TENM3: variants seen among roughly 807,000 people sequenced by gnomAD.
TENM3 encodes teneurin-3.
TENM3 carries 63 observed loss-of-function variants against 255.1 expected under a neutral mutation model. That is an observed-to-expected ratio of 0.25 (90% CI 0.20 to 0.30). The LOEUF is 0.30. Ranked by LOEUF, TENM3 falls within the 10% of genes least tolerant of loss-of-function variation. The pLI, the probability that TENM3 is intolerant of heterozygous loss-of-function variation, is 1.00. For synonymous variants in TENM3, 1,306 were observed against 1,322.3 expected (o/e 0.99, Z 0.27); for missense variants, 2,929 against 3,461.1 (o/e 0.85, Z 3.86).
chr4:181,963,437 G>A, the TENM3 span, among the ~76,000 whole-genome samples: 63,177 of 152,024 alleles, frequency 0.42, 13,584 homozygotes, highest in African/African-American at 0.51. Context: ...TTCAAAGCTG[G>A]ATTTGCCCAA....
At chr4:182,070,482 C>T in the TENM3 span, among the ~76,000 whole-genome samples, 4 of 151,932 alleles carry the variant, frequency 2.6e-5, no homozygotes, top group African/African-American at 7.3e-5. Context: ...TTGGGTGTAG[C>T]GGCACACGCC....
chr4:182,529,062 C>T (rs941361697), intron 3 of TENM3, among the ~76,000 whole-genome samples: 12 of 152,218 alleles, frequency 7.9e-5, no homozygotes, highest in Admixed American at 5.2e-4. Flanking sequence ...TCTATGCTTG[C>T]GACAAACTCA....
At position 182,324,222 on chromosome 4, in the gene TENM3, C is replaced by G; in HGVS notation, c.202C>G (p.His68Asp). 6.2e-7 allele frequency: 1 copy of G among 1,613,886 alleles called. No individual in the cohort carries two copies. The highest frequency in any genetic ancestry group is 8.5e-7 in the Non-Finnish European group (1 of 1,179,802). The change falls in exon 2 of 28, where the codon CAC becomes GAC. Residue 68 changes from histidine to aspartate, a missense_variant. His to Asp is a moderately conservative substitution (Grantham distance 81). Around this residue, in one of 6 missense-constraint regions of TENM3, gnomAD observed 283 missense variants for 256.9 expected, o/e 1.10. Transcript: ENST00000511685. The part of the protein sequence containing the change: ...LYGNRVKDLV[H>D]READEFTRQG... ...CGGCAACAGAGTGAAGGATTTGGTT[C>G]ACAGAGAAGCAGACGAGTTCACTAG...
chr4:182,487,929 C>T (rs1734916175), intron 3 of TENM3, among the ~76,000 whole-genome samples: 1 of 151,962 alleles, frequency 6.6e-6, no homozygotes, highest in African/African-American at 2.4e-5. Flanking sequence ...AACAGGAATT[C>T]TAGAATATGG....
the TENM3 span, among the ~76,000 whole-genome samples, chr4:181,731,695 G>A: frequency 1.3e-3 from 191 of 152,228 alleles, no homozygotes; most frequent in African/African-American, 4.4e-3. Context: ...AATTAGTATG[G>A]CTTTTGTCAC....
intron 3 of TENM3, among the ~76,000 whole-genome samples, chr4:182,515,060 C>T (rs1046714518): frequency 6.6e-6 from 1 of 152,084 alleles, no homozygotes; most frequent in Non-Finnish European, 1.5e-5. Flanking sequence ...AATTTTTTAT[C>T]CAGACTAAGA....
chr4:182,530,285 G>A (rs765600671), intron 3 of TENM3, among the ~76,000 whole-genome samples: 1 of 152,158 alleles, frequency 6.6e-6, no homozygotes, highest in Non-Finnish European at 1.5e-5. Flanking sequence ...TCAACAGGCT[G>A]CCTCTCCAAA....
chr4:181,973,567 A>G, the TENM3 span, among the ~76,000 whole-genome samples: 2 of 152,086 alleles, frequency 1.3e-5, no homozygotes, highest in African/African-American at 4.8e-5. Context: ...CCTGGGAAAC[A>G]TAGTGAGGCC....
chr4:181,627,886 G>T, the TENM3 span, among the ~76,000 whole-genome samples: 3 of 152,134 alleles, frequency 2.0e-5, no homozygotes, highest in Non-Finnish European at 4.4e-5. Flanking sequence ...GGTATTTCTA[G>T]TTCTAGATCC....
At chr4:181,947,112 T>C in the TENM3 span, among the ~76,000 whole-genome samples, 2 of 152,156 alleles carry the variant, frequency 1.3e-5, no homozygotes. Flanking sequence ...TTTACCAGAG[T>C]TGTTTACTCA....
chr4:182,791,682 C>A (rs1766113976), intron 25 of TENM3, among the ~76,000 whole-genome samples: 1 of 152,170 alleles, frequency 6.6e-6, no homozygotes, highest in African/African-American at 2.4e-5. Context: ...GCATTTATAG[C>A]TCTCATTCAC....
the TENM3 span, among the ~76,000 whole-genome samples, chr4:181,922,388 A>G: frequency 2.2e-4 from 34 of 152,248 alleles, no homozygotes; most frequent in East Asian, 6.0e-3. Context: ...TTGCTAAGCT[A>G]TTGATTATTG....
the TENM3 span, among the ~76,000 whole-genome samples, chr4:181,466,090 A>G: frequency 6.6e-6 from 1 of 150,968 alleles, no homozygotes; most frequent in Non-Finnish European, 1.5e-5. Flanking sequence ...CCTATGTGGA[A>G]GGAGCCTGAG....
At chr4:182,704,985 T>C (rs1758169023) in intron 12 of TENM3, among the ~76,000 whole-genome samples, 1 of 152,176 alleles carries the variant, frequency 6.6e-6, no homozygotes, top group Admixed American at 6.5e-5. Flanking sequence ...GAGTAAACTC[T>C]TAAGAATATG....
chr4:181,804,621 G>A, the TENM3 span, among the ~76,000 whole-genome samples: 4 of 152,164 alleles, frequency 2.6e-5, no homozygotes, highest in Non-Finnish European at 4.4e-5. Context: ...ATTCCAGGTG[G>A]TTGAAGTAAA....
chr4:182,249,846 C>T (rs1441691131), intron 1 of TENM3, among the ~76,000 whole-genome samples: 3 of 151,656 alleles, frequency 2.0e-5, no homozygotes, highest in Non-Finnish European at 2.9e-5. Flanking sequence ...CTGATTGTAG[C>T]CTCACACGCC....
intron 1 of TENM3, among the ~76,000 whole-genome samples, chr4:182,175,023 T>TTC (rs1752369528): frequency 6.6e-6 from 1 of 152,172 alleles, no homozygotes; most frequent in African/African-American, 2.4e-5. Context: ...TTGCAATCTG[T>TTC]TCTCTGGGTT....
At chr4:182,049,834 C>T in the TENM3 span, among the ~76,000 whole-genome samples, 4 of 152,076 alleles carry the variant, frequency 2.6e-5, no homozygotes, top group East Asian at 3.9e-4. Context: ...GGGAGTATCA[C>T]GTATAAATCA....
chr4:181,734,278 T>G, the TENM3 span, among the ~76,000 whole-genome samples: 1 of 152,092 alleles, frequency 6.6e-6, no homozygotes, highest in Non-Finnish European at 1.5e-5. Context: ...AATAGAAGCT[T>G]AATGAGGGCA....
Sources: allele counts gnomAD v4.1 joint callset (sites outside exome capture counted in the v4.1 genomes callset), GRCh38; gene constraint gnomAD v4.1.1; regional missense constraint gnomAD v4.1.1; transcripts MANE v1.5; gene names NCBI Gene and HGNC (gene_info 2026-07-23, HGNC 2026-07-21).